Variants in CPQ observed in about 807,000 individuals in gnomAD.
CPQ encodes Ser-Met dipeptidase.
CPQ carries 37 observed loss-of-function variants against 45.7 expected under a neutral mutation model. The ratio of observed to expected loss-of-function variants is 0.81; its 90% CI spans 0.62 to 1.07. The LOEUF is 1.07. CPQ is among the 50% of genes least tolerant of loss of function. The probability of loss-of-function intolerance (pLI) is 0.00; values close to 1 mark genes in which losing one functional copy is unlikely to be tolerated. For missense variants in CPQ, 537 were observed against 572.9 expected (o/e 0.94, Z 0.64); for synonymous variants, 186 against 205.8 (o/e 0.90, Z 0.82).
At chr8:96,908,394 T>C (rs900310244) in intron 4 of CPQ, among the ~76,000 whole-genome samples, 1 of 152,014 alleles carries the variant, frequency 6.6e-6, no homozygotes, top group Non-Finnish European at 1.5e-5. Context: ...AGACTGGAGG[T>C]TGGCATGTGA....
At chr8:97,076,716 G>A (rs771572937) in intron 7 of CPQ, among the ~76,000 whole-genome samples, 14 of 151,994 alleles carry the variant, frequency 9.2e-5, no homozygotes, top group Non-Finnish European at 1.9e-4. Flanking sequence ...CGGGGGAGAG[G>A]GAGTGGGCTA....
At chr8:96,772,745 G>A (rs995645771) in intron 1 of CPQ, among the ~76,000 whole-genome samples, 1 of 152,196 alleles carries the variant, frequency 6.6e-6, no homozygotes, top group African/African-American at 2.4e-5. Context: ...TTTCATTGGA[G>A]TTAGGGACAA....
intron 7 of CPQ, among the ~76,000 whole-genome samples, chr8:97,078,791 C>CTT (rs1400835335): frequency 2.0e-5 from 3 of 150,776 alleles, no homozygotes; most frequent in Non-Finnish European, 4.4e-5. Context: ...CTCTCTCTCT[C>CTT]TCTCTCTCTC....
intron 3 of CPQ, among the ~76,000 whole-genome samples, chr8:96,857,367 G>T (rs1168247903): frequency 1.3e-5 from 2 of 152,154 alleles, no homozygotes; most frequent in Non-Finnish European, 2.9e-5. Flanking sequence ...AAGGAACACA[G>T]TGAGATCTCC....
chr8:96,682,330 G>A (rs1021169866), intron 1 of CPQ, among the ~76,000 whole-genome samples: 5 of 152,186 alleles, frequency 3.3e-5, no homozygotes, highest in African/African-American at 7.2e-5. Flanking sequence ...GTGATAGTGA[G>A]TAAGATCTGA....
intron 4 of CPQ, among the ~76,000 whole-genome samples, chr8:96,890,686 A>T (rs914066812): frequency 1.3e-5 from 2 of 152,242 alleles, no homozygotes; most frequent in Non-Finnish European, 2.9e-5. Flanking sequence ...AGGTAGGCAG[A>T]GCCCAAAGTG....
chr8:97,124,055 C>G (rs181399975), intron 7 of CPQ, among the ~76,000 whole-genome samples: 311 of 151,800 alleles, frequency 2.0e-3, no homozygotes, highest in African/African-American at 7.0e-3. Context: ...GAAACCCCAT[C>G]TCTACTAAAG....
chr8:97,000,166 A>T (rs1809250253), intron 5 of CPQ, among the ~76,000 whole-genome samples: 1 of 151,722 alleles, frequency 6.6e-6, no homozygotes, highest in East Asian at 1.9e-4. Flanking sequence ...GTTTGCAAAA[A>T]TTTTCTCCCA....
intron 4 of CPQ, among the ~76,000 whole-genome samples, chr8:96,922,641 A>G (rs1314995427): frequency 6.6e-6 from 1 of 152,196 alleles, no homozygotes; most frequent in Non-Finnish European, 1.5e-5. Context: ...TGAAAGGAGT[A>G]AATGTATGTT....
intron 5 of CPQ, among the ~76,000 whole-genome samples, chr8:96,998,254 T>A (rs1177903242): frequency 6.6e-6 from 1 of 151,834 alleles, no homozygotes; most frequent in East Asian, 1.9e-4. Flanking sequence ...TAAGTGGTAA[T>A]CAAATTAGAA....
intron 7 of CPQ, among the ~76,000 whole-genome samples, chr8:97,068,172 C>T (rs1033761184): frequency 7.2e-5 from 11 of 152,070 alleles, no homozygotes; most frequent in Admixed American, 2.0e-4. Context: ...TTCACATGTA[C>T]GTGTTGTATA....
At chr8:96,788,158 T>A (rs1296173963) in intron 2 of CPQ, among the ~76,000 whole-genome samples, 1 of 151,500 alleles carries the variant, frequency 6.6e-6, no homozygotes, top group African/African-American at 2.4e-5. Flanking sequence ...TCTTTTTCTT[T>A]CTTCCTTTTT....
intron 1 of CPQ, among the ~76,000 whole-genome samples, chr8:96,768,599 A>T (rs547542537): frequency 2.0e-4 from 30 of 152,304 alleles, no homozygotes; most frequent in Non-Finnish European, 4.0e-4. Flanking sequence ...ATTTTTGTTG[A>T]GTTAACAGTG....
chr8:97,078,319 T>C (rs886362749), intron 7 of CPQ, among the ~76,000 whole-genome samples: 2 of 152,200 alleles, frequency 1.3e-5, no homozygotes, highest in Non-Finnish European at 2.9e-5. Context: ...TCCTAGGTCA[T>C]AGTATTTAGA....
At chr8:97,126,006 T>C (rs901708867) in intron 7 of CPQ, among the ~76,000 whole-genome samples, 2 of 152,222 alleles carry the variant, frequency 1.3e-5, no homozygotes, top group African/African-American at 4.8e-5. Flanking sequence ...GAAAGATGTT[T>C]ATCTGGGAAT....
chr8:96,848,739 G>A (rs1811732090), intron 3 of CPQ, among the ~76,000 whole-genome samples: 1 of 152,166 alleles, frequency 6.6e-6, no homozygotes, highest in African/African-American at 2.4e-5. Flanking sequence ...TGTATGGGCT[G>A]TAAGATTTCA....
chr8:96,882,213 C>CCT (rs965082509), intron 4 of CPQ, among the ~76,000 whole-genome samples: 1 of 152,220 alleles, frequency 6.6e-6, no homozygotes, highest in African/African-American at 2.4e-5. Context: ...GGGCATCAAC[C>CCT]ATGGCTTTTG....
intron 2 of CPQ, among the ~76,000 whole-genome samples, chr8:96,829,317 C>G (rs920540022): frequency 3.9e-5 from 6 of 152,124 alleles, no homozygotes; most frequent in African/African-American, 1.4e-4. Context: ...AGACACAGTC[C>G]GGAGAGGATG....
At chr8:96,711,562 A>AC (rs1304524548) in intron 1 of CPQ, among the ~76,000 whole-genome samples, 1 of 152,162 alleles carries the variant, frequency 6.6e-6, no homozygotes, top group Non-Finnish European at 1.5e-5. Flanking sequence ...GGAAAAGAAA[A>AC]CATGTCCTTC....
Sources: gnomAD v4.1 joint callset for allele counts (sites outside exome capture counted in the v4.1 genomes callset) on GRCh38, gnomAD v4.1.1 for gene constraint, MANE v1.5 for transcripts, NCBI Gene and HGNC (gene_info 2026-07-23, HGNC 2026-07-21) for gene names.